The following SLC27A5 variants were observed in gnomAD, a reference collection of about 807,000 sequenced individuals.
SLC27A5 encodes the protein solute carrier family 27 member 5, also known as long-chain fatty acid transport protein 5.
Under a neutral mutation model 63.1 loss-of-function variants are expected in SLC27A5, and 47 were observed. The ratio of observed to expected loss-of-function variants is 0.74; its 90% CI spans 0.59 to 0.95. SLC27A5 has a LOEUF of 0.95. Ranked by LOEUF, SLC27A5 falls within the 40% of genes least tolerant of loss-of-function variation. The pLI is 0.00. For synonymous variants in SLC27A5, 391 were observed against 403.8 expected, an observed-to-expected ratio of 0.97 and a Z score of 0.38; for missense variants, 940 against 921.0, an observed-to-expected ratio of 1.02 and a Z score of -0.27.
intron 1 of SLC27A5, 103 bp from the exon 2 acceptor site, chr19:58,511,033 G>C (rs2053405011): frequency 9.7e-7 from 1 of 1,033,134 alleles, no homozygotes; most frequent in Non-Finnish European, 1.4e-6. Flanking sequence ...AGCTAGTAGA[G>C]AAAAGCATCC....
chr19:58,500,343 C>G lies in SLC27A5; in HGVS notation c.1464G>C (p.Gly488=). ...RDNQGFCIPV[G]LGEPGLLLTK... Reference sequence around the variant, plus strand: ...AAGGCTCCTCAACCCCCATACCTAGCCCTACAGGGATGCAGAAGCCCTGAT... The same window carrying G: ...AAGGCTCCTCAACCCCCATACCTAGGCCTACAGGGATGCAGAAGCCCTGAT... Residue 488 remains glycine (G), a synonymous_variant, in exon 6 of 10, where the codon GGG becomes GGC. Coordinates refer to ENST00000263093, the MANE Select transcript of SLC27A5 (RefSeq NM_012254.3). 1 of 1,612,722 alleles carries G rather than the reference C, an allele frequency of 6.2e-7. No individual in the cohort carries two copies.
intron 1 of SLC27A5, 105 bp downstream of exon 1, chr19:58,511,163 G>T: frequency 8.3e-7 from 1 of 1,207,868 alleles, no homozygotes; most frequent in Non-Finnish European, 1.1e-6. Context: ...GCCTGTGAAA[G>T]TAGGCAGGTG....
intron 2 of SLC27A5, 147 bp downstream of exon 2, chr19:58,510,574 G>GAAA: frequency 4.6e-6 from 3 of 658,046 alleles, no homozygotes; most frequent in Non-Finnish European, 7.1e-6. Flanking sequence ...ACTCTGCCTC[G>GAAA]AAAAAAAAAA....
chr19:58,499,812 A>G, intron 6 of SLC27A5, 122 bp from the exon 7 acceptor site: 1 of 849,396 alleles, frequency 1.2e-6, no homozygotes, highest in Non-Finnish European at 1.8e-6. Flanking sequence ...CCAAAGACAC[A>G]GACAGGGAGA....
At chr19:58,501,744 G>A (rs977596865) in intron 3 of SLC27A5, among the ~76,000 whole-genome samples, 3 of 152,190 alleles carry the variant, frequency 2.0e-5, no homozygotes, top group African/African-American at 4.8e-5. Context: ...TGCAATCTCC[G>A]CTCACTGCAA....
intron 3 of SLC27A5, chr19:58,508,625 CTTTTTAAAATTTTTTTT>C (rs2053373992): frequency 6.6e-6 from 1 of 151,566 alleles, no homozygotes; most frequent in Admixed American, 6.6e-5. Context: ...CCATGCGTGG[CTTTTTAAAATTTTTTTT>C]TAACAGATGG....
At chr19:58,504,617 A>G in intron 3 of SLC27A5, among the ~76,000 whole-genome samples, 4 of 145,724 alleles carry the variant, frequency 2.7e-5, no homozygotes, top group Admixed American at 7.1e-5. Flanking sequence ...GCGGTGACCC[A>G]AGATGGTGCC....
At chr19:58,500,783 T>C in intron 4 of SLC27A5, 77 bp from the exon 5 acceptor site, 1 of 1,561,820 alleles carries the variant, frequency 6.4e-7, no homozygotes, top group Non-Finnish European at 8.7e-7. Context: ...AGAGGGGGTG[T>C]TATCCTGGGT....
chr19:58,509,963 T>C lies in SLC27A5; in HGVS notation c.941A>G (p.Gln314Arg). The C allele has an allele frequency of 6.2e-7, 1 of 1,614,046 alleles. No individual in the cohort carries two copies. The highest frequency in any genetic ancestry group is 1.3e-5 in the African/African-American group (1 of 75,052). The change falls in exon 3 of 10, where the codon CAG becomes CGG. Residue 314 changes from glutamine (Q) to arginine (R), a missense_variant. Gln to Arg is a conservative substitution (Grantham distance 43). Transcript: ENST00000263093. ...AGATAAGGACAGCATCTTGCTCATC[T>C]GCAGTACCCGCTCATGCGTGAGGAT... is the stretch of plus-strand genomic sequence containing the variant. ...PAILTHERVL[Q>R]MSKMLSLSGA...
intron 4 of SLC27A5, 54 bp from the exon 5 acceptor site, chr19:58,500,760 G>A: frequency 5.0e-6 from 8 of 1,589,350 alleles, no homozygotes; most frequent in East Asian, 4.5e-5. Context: ...GGCATGCCTT[G>A]GAACCTTTAC....
chr19:58,511,557 C>G lies in SLC27A5; in HGVS notation c.399G>C (p.Leu133Phe), dbSNP rs371223810. The change falls in exon 1 of 10, where the codon TTG becomes TTC. Residue 133 changes from leucine to phenylalanine, a missense_variant. By Grantham distance (22) the Leu-to-Phe change is conservative. Coordinates refer to ENST00000263093, the MANE Select transcript of SLC27A5 (RefSeq NM_012254.3). ...AGCCGGCCCCAGGCCCCGTCCACAC[C>G]AAGAGTGCCCTGCCAGGCTGCGCTC... is the stretch of plus-strand genomic sequence containing the variant. ...RARAQPGRAL[L>F]VWTGPGAGSV... 1.3e-6 allele frequency: 2 copies of G among 1,562,982 alleles called. No homozygotes were observed. Among genetic ancestry groups the G allele is most frequent in the African/African-American group, 2.7e-5 (2 of 73,694 alleles).
chr19:58,501,011 T>C, intron 4 of SLC27A5: 1 of 1,162,874 alleles, frequency 8.6e-7, no homozygotes, highest in Admixed American at 5.3e-5. Flanking sequence ...TTAATGGAAA[T>C]TTAATTTTAA....
intron 6 of SLC27A5, among the ~76,000 whole-genome samples, chr19:58,499,981 G>T (rs2053255243): frequency 6.6e-6 from 1 of 152,070 alleles, no homozygotes. Context: ...AGTGAGAATA[G>T]ATATGACCAG....
intron 3 of SLC27A5, among the ~76,000 whole-genome samples, chr19:58,505,923 C>G (rs573178602): frequency 6.7e-6 from 1 of 148,228 alleles, no homozygotes. Context: ...GAGGCCGAGG[C>G]GGGCGGATCA....
intron 3 of SLC27A5, among the ~76,000 whole-genome samples, chr19:58,502,797 A>G (rs56180111): frequency 6.7e-6 from 1 of 149,486 alleles, no homozygotes; most frequent in Admixed American, 6.6e-5. Flanking sequence ...GTGAGTGAGT[A>G]GATGGATGGC....
At chr19:58,507,099 C>T (rs1465729033) in intron 3 of SLC27A5, among the ~76,000 whole-genome samples, 1 of 151,592 alleles carries the variant, frequency 6.6e-6, no homozygotes, top group Non-Finnish European at 1.5e-5. Flanking sequence ...TGGCTCATGC[C>T]TGTAATCCCA....
chr19:58,504,801 T>C (rs1034895592), intron 3 of SLC27A5, among the ~76,000 whole-genome samples: 1 of 151,980 alleles, frequency 6.6e-6, no homozygotes, highest in Non-Finnish European at 1.5e-5. Context: ...GTCAGGAGAT[T>C]GAGACCATCC....
chr19:58,500,427 C>T lies in SLC27A5; in HGVS notation c.1380G>A (p.Met460Ile). Residue 460 changes from methionine (M) to isoleucine (I), a missense_variant and splice_region_variant, in exon 6 of 10, where the codon ATG (methionine) becomes ATA (isoleucine). By Grantham distance (10) the Met-to-Ile change is conservative (BLOSUM62 1). Coordinates refer to ENST00000263093, the MANE Select transcript of SLC27A5 (RefSeq NM_012254.3). ...ACTGCACCAGCTCAAAGGGGGACAG[C>T]ATCTGGGGTGGAGGGTGGAGTGTTG... The part of the protein sequence containing the change: ...ALGKMSCLLR[M>I]LSPFELVQFD... The T allele has an allele frequency of 6.2e-7, 1 of 1,613,836 alleles. No individual in the cohort carries two copies. The highest frequency in any genetic ancestry group is 8.5e-7 in the Non-Finnish European group (1 of 1,180,002).
At chr19:58,502,902 G>A (rs1187930281) in intron 3 of SLC27A5, among the ~76,000 whole-genome samples, 2 of 152,044 alleles carry the variant, frequency 1.3e-5, no homozygotes, top group East Asian at 3.9e-4. Flanking sequence ...TGCAGAGGCA[G>A]GGGGGTAGAA....
Sources: gnomAD v4.1 joint callset for allele counts (sites outside exome capture counted in the v4.1 genomes callset) on GRCh38, gnomAD v4.1.1 for gene constraint, MANE v1.5 for transcripts, NCBI Gene and HGNC (gene_info 2026-07-23, HGNC 2026-07-21) for gene names.